The following MAPKAP1 variants were observed in gnomAD, a reference collection of about 807,000 sequenced individuals.
The protein encoded by MAPKAP1 is target of rapamycin complex 2 subunit MAPKAP1.
Under a neutral mutation model 65.7 loss-of-function variants are expected in MAPKAP1, and 20 were observed. That is an observed-to-expected ratio of 0.30 (90% CI 0.21 to 0.44). The LOEUF (loss-of-function observed/expected upper bound fraction) is 0.44. MAPKAP1 is among the 20% of genes least tolerant of loss of function. MAPKAP1 has a pLI of 1.00. For missense variants in MAPKAP1, 423 were observed against 648.0 expected (o/e 0.65, Z 3.77); for synonymous variants, 222 against 244.3 (o/e 0.91, Z 0.85).
At chr9:125,449,755 G>T (rs762624034) in intron 10 of MAPKAP1, among the ~76,000 whole-genome samples, 1 of 152,140 alleles carries the variant, frequency 6.6e-6, no homozygotes, top group African/African-American at 2.4e-5. Flanking sequence ...GAAAAAACAG[G>T]TTCTTCCTGC....
At chr9:125,557,074 G>A (rs1426674049) in intron 6 of MAPKAP1, among the ~76,000 whole-genome samples, 1 of 152,146 alleles carries the variant, frequency 6.6e-6, no homozygotes, top group African/African-American at 2.4e-5. Flanking sequence ...GGGAACACAG[G>A]GATGGGAGTA....
intron 3 of MAPKAP1, among the ~76,000 whole-genome samples, chr9:125,668,638 G>GT (rs1204943614): frequency 6.6e-6 from 1 of 152,138 alleles, no homozygotes; most frequent in African/African-American, 2.4e-5. Flanking sequence ...TTCTGAAATT[G>GT]TTTTTCTCCC....
intron 1 of MAPKAP1, among the ~76,000 whole-genome samples, chr9:125,683,899 A>G (rs1172632912): frequency 2.0e-5 from 3 of 152,188 alleles, no homozygotes; most frequent in Non-Finnish European, 4.4e-5. Context: ...CCATCTTGCA[A>G]CTTCCAGGAC....
chr9:125,555,167 G>A (rs1272017809), intron 6 of MAPKAP1, among the ~76,000 whole-genome samples: 1 of 152,172 alleles, frequency 6.6e-6, no homozygotes, highest in Non-Finnish European at 1.5e-5. Flanking sequence ...ACAGAACTTT[G>A]TATTTGCATG....
intron 5 of MAPKAP1, among the ~76,000 whole-genome samples, chr9:125,575,646 A>G (rs775142548): frequency 1.3e-5 from 2 of 152,238 alleles, no homozygotes; most frequent in Non-Finnish European, 2.9e-5. Flanking sequence ...AAATTAAAAC[A>G]ACGACATACC....
intron 5 of MAPKAP1, among the ~76,000 whole-genome samples, chr9:125,585,140 A>G (rs925798197): frequency 1.3e-5 from 2 of 152,118 alleles, no homozygotes; most frequent in Non-Finnish European, 2.9e-5. Flanking sequence ...CTGAGCTTCC[A>G]CCACTGCAGA....
At chr9:125,697,921 A>T (rs549433275) in intron 1 of MAPKAP1, among the ~76,000 whole-genome samples, 62 of 151,944 alleles carry the variant, frequency 4.1e-4, no homozygotes, top group Middle Eastern at 3.4e-3. Context: ...ATAATCAAAC[A>T]CTCTCACAAT....
At chr9:125,640,270 A>AT (rs1233442742) in intron 4 of MAPKAP1, among the ~76,000 whole-genome samples, 1 of 151,460 alleles carries the variant, frequency 6.6e-6, no homozygotes. Context: ...CGCCCGGCTA[A>AT]TTTTTTCTAT....
intron 3 of MAPKAP1, among the ~76,000 whole-genome samples, chr9:125,661,506 A>G (rs1834183947): frequency 6.6e-6 from 1 of 152,222 alleles, no homozygotes; most frequent in Non-Finnish European, 1.5e-5. Flanking sequence ...TTATCTCTAT[A>G]TATTGCTCCA....
At position 125,619,603 on chromosome 9, in the gene MAPKAP1, A is replaced by G. The variant is rs564682287; in HGVS notation, c.499-33876T>C. Reference sequence around the variant, plus strand: ...GAATTTGGTAACATAAAGGAATACAAAATTAACAGAGAGAAATCAGGAACC... The same window carrying G: ...GAATTTGGTAACATAAAGGAATACAGAATTAACAGAGAGAAATCAGGAACC... On this transcript the variant is annotated intron_variant, in intron 4 of 11. Coordinates refer to ENST00000265960, the MANE Select transcript of MAPKAP1 (RefSeq NM_001006617.3). Among the ~76,000 whole-genome samples, 63 of 152,294 alleles carry G rather than the reference A, an allele frequency of 4.1e-4. 1 individual carries two copies. In the South Asian group the frequency reaches 0.013, roughly 31 times the overall value.
chr9:125,533,506 G>C (rs1829991188), intron 7 of MAPKAP1, among the ~76,000 whole-genome samples: 1 of 151,926 alleles, frequency 6.6e-6, no homozygotes, highest in Non-Finnish European at 1.5e-5. Context: ...CTAGAGTACA[G>C]TGGCACGATC....
intron 4 of MAPKAP1, among the ~76,000 whole-genome samples, chr9:125,644,477 A>T (rs1330434411): frequency 6.6e-6 from 1 of 152,222 alleles, no homozygotes; most frequent in Non-Finnish European, 1.5e-5. Context: ...AGACCAGATA[A>T]AGAATTATTA....
intron 7 of MAPKAP1, among the ~76,000 whole-genome samples, chr9:125,536,208 C>G (rs1830068590): frequency 6.6e-6 from 1 of 152,124 alleles, no homozygotes; most frequent in African/African-American, 2.4e-5. Flanking sequence ...TGCAATGCCA[C>G]TATCTTCAAC....
At position 125,444,590 on chromosome 9, in the gene MAPKAP1, T is replaced by C. The variant is rs752861508; in HGVS notation, c.1354A>G (p.Ile452Val). ...TTGCTTAGATACGTGAGTTTAAATA[T>C]TGCGTGACCTGCAGAGACAGAAAAC... Reference protein sequence around the residue: ...LAEEKSPSHAIFKLTYLSNHD... With the variant: ...LAEEKSPSHAVFKLTYLSNHD... The change falls in exon 11 of 12, where the codon ATA becomes GTA. Residue 452 changes from isoleucine (I) to valine (V), a missense_variant. Coordinates refer to ENST00000265960, the MANE Select transcript of MAPKAP1 (RefSeq NM_001006617.3). The C allele has an allele frequency of 1.8e-4, 293 of 1,612,284 alleles. No homozygotes were observed. The highest frequency in any genetic ancestry group is 2.4e-4 in the Non-Finnish European group (278 of 1,178,784).
intron 1 of MAPKAP1, among the ~76,000 whole-genome samples, chr9:125,693,662 C>CGTATATAT (rs1157778497): frequency 0.056 from 7,945 of 141,922 alleles, 1,457 homozygotes; most frequent in African/African-American, 0.19. Flanking sequence ...TATACATACA[C>CGTATATAT]ACACATATAC....
chr9:125,589,661 T>C (rs1451347430), intron 4 of MAPKAP1, among the ~76,000 whole-genome samples: 4 of 152,200 alleles, frequency 2.6e-5, no homozygotes, highest in African/African-American at 4.8e-5. Context: ...GAAAGGAAAT[T>C]ATAAAGTCAG....
At chr9:125,604,858 TCAATTAGACATTTATTCTTA>T (rs1240792971) in intron 4 of MAPKAP1, among the ~76,000 whole-genome samples, 1 of 152,226 alleles carries the variant, frequency 6.6e-6, no homozygotes, top group Admixed American at 6.5e-5. Context: ...CTTGAACAAG[TCAATTAGACATTTATTCTTA>T]CTATAAAGAA....
intron 4 of MAPKAP1, among the ~76,000 whole-genome samples, chr9:125,599,107 C>T (rs953036340): frequency 6.6e-6 from 1 of 151,164 alleles, no homozygotes; most frequent in Non-Finnish European, 1.5e-5. Context: ...TCAAGAAATA[C>T]TGGTTATTAT....
chr9:125,577,608 A>G (rs1281927195), intron 5 of MAPKAP1, among the ~76,000 whole-genome samples: 5 of 45,670 alleles, frequency 1.1e-4, no homozygotes, highest in Non-Finnish European at 2.2e-4. Flanking sequence ...TCCGGGAGGG[A>G]GGTGGGGGGG....
Sources: gnomAD v4.1 joint callset for allele counts (sites outside exome capture counted in the v4.1 genomes callset) on GRCh38, gnomAD v4.1.1 for gene constraint, MANE v1.5 for transcripts, NCBI Gene and HGNC (gene_info 2026-07-23, HGNC 2026-07-21) for gene names.